The following CNOT1 variants were observed in gnomAD, a reference collection of about 807,000 sequenced individuals.
CNOT1 encodes the protein CCR4-NOT transcription complex subunit 1.
A neutral mutation model predicts 273.8 loss-of-function variants in CNOT1; 15 were observed. The observed-to-expected ratio is 0.05, with a 90% CI of 0.04 to 0.08. The LOEUF (loss-of-function observed/expected upper bound fraction) is 0.08. Among genes scored for constraint, CNOT1 ranks in the 10% least tolerant of loss-of-function variants. The probability of loss-of-function intolerance (pLI) is 1.00; values close to 1 mark genes in which losing one functional copy is unlikely to be tolerated. For synonymous variants in CNOT1, 1,022 were observed against 1,005.5 expected (o/e 1.02, Z -0.31); for missense variants, 1,644 against 2,912.2 (o/e 0.56, Z 10.02).
At position 58,605,187 on chromosome 16, in the gene CNOT1, A is replaced by T. The variant is rs548807592; in HGVS notation, c.-174-5676T>A. ...CACCAAAAATGGCTACCATTTCAAC[A>T]AATCTCCCAATCTTCATTATTAAAA... On this transcript the variant is annotated intron_variant, in intron 1 of 48. Coordinates refer to ENST00000317147, the MANE Select transcript of CNOT1 (RefSeq NM_016284.5). Among the ~76,000 whole-genome samples, 65 of 151,592 alleles carry T rather than the reference A, an allele frequency of 4.3e-4. 1 individual carries two copies. The South Asian group carries it at 6.1e-3, about 14-fold the overall frequency.
chr16:58,623,196 AAAAAAG>A (rs2043422154), intron 1 of CNOT1: 1 of 152,156 alleles, frequency 6.6e-6, no homozygotes, highest in African/African-American at 2.4e-5. Context: ...CCTCCAAAAA[AAAAAAG>A]AAAAGAAAAT....
chr16:58,547,263 A>G lies in CNOT1; in HGVS notation c.3673T>C (p.Tyr1225His). The G allele has an allele frequency of 1.2e-6, 2 of 1,613,960 alleles. No individual in the cohort carries two copies. Among genetic ancestry groups the G allele is most frequent in the Non-Finnish European group, 1.7e-6 (2 of 1,179,884 alleles). ...LDVKSLLLEAYVKGQQELLYV... is the reference protein window; with the variant it reads ...LDVKSLLLEAHVKGQQELLYV... ...AGCAATTCTTGTTGTCCTTTAACAT[A>G]AGCCTCTAGCAGCAATGATTTCACA... Residue 1225 changes from tyrosine (Y) to histidine (H), a missense_variant, in exon 27 of 49, where the codon TAT becomes CAT. By Grantham distance (83) the Tyr-to-His change is moderately conservative. Transcript: ENST00000317147. This position sits in a 1 kb window ranked among gnomAD's most constrained non-coding sequence, Gnocchi z 4.0.
intron 1 of CNOT1, among the ~76,000 whole-genome samples, chr16:58,609,742 C>T (rs1366073418): frequency 6.6e-6 from 1 of 152,034 alleles, no homozygotes; most frequent in African/African-American, 2.4e-5. Flanking sequence ...GGATTATAGC[C>T]ATGAACTATG....
intron 1 of CNOT1, among the ~76,000 whole-genome samples, chr16:58,604,924 CAG>C (rs2042618240): frequency 1.3e-5 from 2 of 150,230 alleles, no homozygotes; most frequent in South Asian, 4.2e-4. Context: ...ATCACAAGGT[CAG>C]GAGATCGAGA....
rs1003538170 is a variant in CNOT1 at position 58,520,885 on chromosome 16, T to G, written c.*73A>C. ...GGAAAGTCAGGAAGAGCTGAAAGGA[T>G]TCTTCAGTCAGTTTATGAACTCGGT... On this transcript the variant is annotated 3_prime_UTR_variant, in exon 49 of 49. Coordinates refer to ENST00000317147, the MANE Select transcript of CNOT1 (RefSeq NM_016284.5). 5 of 1,468,520 alleles carry G rather than the reference T, an allele frequency of 3.4e-6. No individual in the cohort carries two copies. The highest frequency in any genetic ancestry group is 1.7e-4 in the Middle Eastern group (1 of 5,788). The allele number at this position is 1,468,520 out of a possible 1,614,324, so 91.0% of individuals were successfully genotyped here.
chr16:58,530,094 C>G (rs2039732567), intron 43 of CNOT1, 152 bp downstream of exon 43: 4 of 559,582 alleles, frequency 7.1e-6, no homozygotes, highest in South Asian at 5.2e-5. Context: ...AATTTGGGTG[C>G]TAGTTATGCA....
rs200053031 is a variant in CNOT1 at position 58,620,653 on chromosome 16, T to TAAAAAAAAA, written c.-175+9066_-175+9074dup. ...GACACAGCGAAGACTCTGTCTCATT[T>TAAAAAAAAA]AAAAAAAAAAAAAAAAAAAAAAAAG... On this transcript the variant is annotated intron_variant, in intron 1 of 48. Transcript: ENST00000317147. Among the ~76,000 whole-genome samples, 94 of 106,812 alleles carry TAAAAAAAAA rather than the reference T, an allele frequency of 8.8e-4. 2 individuals are homozygous for TAAAAAAAAA. Among genetic ancestry groups the TAAAAAAAAA allele is most frequent in the East Asian group, 5.0e-3 (18 of 3,566 alleles). The allele number at this position is 106,812 out of a possible 152,430, so 70.1% of individuals were successfully genotyped here. A position where few individuals can be genotyped will look rare whatever the true frequency, so the allele number is the denominator to read the frequency against.
intron 42 of CNOT1, among the ~76,000 whole-genome samples, chr16:58,531,611 C>G (rs575250034): frequency 6.6e-6 from 1 of 151,976 alleles, no homozygotes; most frequent in African/African-American, 2.4e-5. Flanking sequence ...ACACCCCTAC[C>G]CCCAAAAAAA....
intron 1 of CNOT1, among the ~76,000 whole-genome samples, chr16:58,605,087 G>A (rs1218007892): frequency 6.6e-6 from 1 of 152,164 alleles, no homozygotes; most frequent in African/African-American, 2.4e-5. Context: ...AGTGAGCCGA[G>A]ATCGCGCCAC....
intron 1 of CNOT1, among the ~76,000 whole-genome samples, chr16:58,621,017 C>CTTT (rs34890706): frequency 6.6e-6 from 1 of 150,614 alleles, no homozygotes. Flanking sequence ...AAAAAGATAA[C>CTTT]TTTTTTTTTT....
At chr16:58,602,958 T>C (rs930422257) in intron 1 of CNOT1, among the ~76,000 whole-genome samples, 7 of 152,280 alleles carry the variant, frequency 4.6e-5, no homozygotes, top group South Asian at 4.1e-4. Context: ...CCCATCTCAG[T>C]TGATGCTAGT....
chr16:58,565,817 C>A (rs573680567), intron 16 of CNOT1, among the ~76,000 whole-genome samples: 2 of 151,898 alleles, frequency 1.3e-5, no homozygotes, highest in African/African-American at 4.8e-5. Flanking sequence ...TGGTAGTGTG[C>A]GCCTGTCGTC....
intron 13 of CNOT1, 51 bp from the exon 14 acceptor site, chr16:58,576,633 G>A: frequency 6.2e-7 from 1 of 1,608,686 alleles, no homozygotes; most frequent in Non-Finnish European, 8.5e-7. Context: ...CACTGTGATA[G>A]ATATTATTAC....
chr16:58,570,853 G>A (rs2041245688), intron 16 of CNOT1, among the ~76,000 whole-genome samples: 1 of 151,682 alleles, frequency 6.6e-6, no homozygotes, highest in South Asian at 2.1e-4. Flanking sequence ...AGAAACATAG[G>A]AGTTAAGATG....
intron 31 of CNOT1, 56 bp from the exon 32 acceptor site, chr16:58,542,624 G>A: frequency 6.3e-7 from 1 of 1,587,226 alleles, no homozygotes; most frequent in Non-Finnish European, 8.6e-7. Flanking sequence ...AGACTTGAAA[G>A]TTGATGTGGA....
intron 2 of CNOT1, among the ~76,000 whole-genome samples, chr16:58,591,408 T>C (rs941204832): frequency 3.3e-5 from 5 of 152,196 alleles, no homozygotes; most frequent in African/African-American, 1.2e-4. Flanking sequence ...CCATGCAGAT[T>C]ATACAATAAA....
At chr16:58,549,968 C>T in intron 24 of CNOT1, 70 bp from the exon 25 acceptor site, 1 of 1,597,180 alleles carries the variant, frequency 6.3e-7, no homozygotes, top group Non-Finnish European at 8.5e-7. Context: ...TTTCTATGAA[C>T]CATACTATAC....
At chr16:58,588,990 C>A in intron 2 of CNOT1, 84 bp from the exon 3 acceptor site, 1 of 1,463,144 alleles carries the variant, frequency 6.8e-7, no homozygotes, top group Non-Finnish European at 9.1e-7. Context: ...AAATCAACCT[C>A]CAAGGCAAAA....
Position 58,525,373 on chromosome 16 carries a change from A to G in CNOT1, c.6604-14T>C, listed in dbSNP as rs1244579036. On this transcript the variant is annotated splice_polypyrimidine_tract_variant and intron_variant, in intron 45 of 48. Transcript: ENST00000317147. ...TTCATTGGATACCTTAAAATGAGCA[A>G]AACAGAACTCCTTATGCTTACTCCT... 6.2e-7 allele frequency: 1 copy of G among 1,610,834 alleles called. No homozygotes were observed. The highest frequency in any genetic ancestry group is 8.5e-7 in the Non-Finnish European group (1 of 1,178,852).
Sources: gnomAD v4.1 joint callset for allele counts (sites outside exome capture counted in the v4.1 genomes callset) on GRCh38, gnomAD v4.1.1 for gene constraint, Gnocchi (gnomAD v3.1) non-coding constraint, MANE v1.5 for transcripts, NCBI Gene and HGNC (gene_info 2026-07-23, HGNC 2026-07-21) for gene names.